The following NRG3 variants were observed in gnomAD, a reference collection of about 807,000 sequenced individuals.
NRG3 encodes neuregulin 3, also known as pro-neuregulin-3, membrane-bound isoform.
NRG3 carries 31 observed loss-of-function variants against 66.9 expected under a neutral mutation model. The observed-to-expected ratio is 0.46, with a 90% confidence interval of 0.35 to 0.63. The LOEUF (loss-of-function observed/expected upper bound fraction) is 0.63. Among genes scored for constraint, NRG3 ranks in the 20% least tolerant of loss-of-function variants. The pLI is 0.00. For missense variants in NRG3, 910 were observed against 878.9 expected (o/e 1.04, Z -0.45); for synonymous variants, 393 against 359.4 (o/e 1.09, Z -1.06).
chr10:81,982,003 AC>A (rs953518790), intron 1 of NRG3, among the ~76,000 whole-genome samples: 2 of 152,082 alleles, frequency 1.3e-5, no homozygotes, highest in African/African-American at 2.4e-5. Context: ...TCCAAAACAT[AC>A]CTTTTATTTT....
At chr10:82,703,354 T>G (rs2056043355) in intron 2 of NRG3, among the ~76,000 whole-genome samples, 1 of 152,124 alleles carries the variant, frequency 6.6e-6, no homozygotes, top group South Asian at 2.1e-4. Flanking sequence ...TAATTTTGTT[T>G]TATCTATTTA....
intron 4 of NRG3, among the ~76,000 whole-genome samples, chr10:82,945,684 ACT>A (rs1366020809): frequency 3.3e-5 from 5 of 151,986 alleles, no homozygotes; most frequent in Non-Finnish European, 7.4e-5. Context: ...TAACTAGTTT[ACT>A]CTCATGATAA....
In NRG3 at chr10:81,876,163, CG is replaced by C. The variant is rs1564625604; in HGVS notation, c.823+1del. 6.4e-7 allele frequency: 1 copy of C among 1,574,464 alleles called. No homozygotes were observed. The highest frequency in any genetic ancestry group is 1.9e-5 in the Admixed American group (1 of 53,470). On this transcript the variant is annotated splice_donor_variant, in intron 1 of 8. Transcript: ENST00000372141. LOFTEE classifies it high-confidence loss of function. Reference sequence around the variant, plus strand: ...AGAAACTAGCACCAGCCCCAAATTTCGTAAGTAAACACTGTGTCTCAACTAT... The same window carrying C: ...AGAAACTAGCACCAGCCCCAAATTTCTAAGTAAACACTGTGTCTCAACTAT...
intron 3 of NRG3, among the ~76,000 whole-genome samples, chr10:82,796,834 T>G (rs1237238528): frequency 6.6e-6 from 1 of 151,994 alleles, no homozygotes; most frequent in Non-Finnish European, 1.5e-5. Flanking sequence ...TAAATCTTGG[T>G]CAACTCTTAT....
intron 1 of NRG3, among the ~76,000 whole-genome samples, chr10:82,021,133 A>C (rs949684985): frequency 6.6e-6 from 1 of 152,002 alleles, no homozygotes; most frequent in African/African-American, 2.4e-5. Flanking sequence ...TGTGATCTCC[A>C]TGGTGAGATA....
intron 5 of NRG3, among the ~76,000 whole-genome samples, chr10:82,954,283 G>A (rs1327165745): frequency 6.6e-6 from 1 of 151,944 alleles, no homozygotes; most frequent in Non-Finnish European, 1.5e-5. Flanking sequence ...TTAAATGAAA[G>A]ACAGATCATG....
intron 2 of NRG3, among the ~76,000 whole-genome samples, chr10:82,669,374 A>T (rs2053070567): frequency 6.6e-6 from 1 of 151,938 alleles, no homozygotes; most frequent in Non-Finnish European, 1.5e-5. Context: ...GCAGTTTTCT[A>T]AAAGTAATCA....
intron 2 of NRG3, among the ~76,000 whole-genome samples, chr10:82,500,804 G>A (rs1353292766): frequency 6.6e-6 from 1 of 152,072 alleles, no homozygotes; most frequent in Non-Finnish European, 1.5e-5. Flanking sequence ...GAAAAATGAT[G>A]TTATGTATAA....
At chr10:82,233,111 T>A (rs1043955009) in intron 1 of NRG3, among the ~76,000 whole-genome samples, 11 of 152,316 alleles carry the variant, frequency 7.2e-5, no homozygotes, top group Admixed American at 6.5e-5. Context: ...ACGCCTGTAA[T>A]CCCAGCACTT....
chr10:82,490,686 GCTGT>G (rs753492662), intron 2 of NRG3, among the ~76,000 whole-genome samples: 1 of 151,854 alleles, frequency 6.6e-6, no homozygotes, highest in Non-Finnish European at 1.5e-5. Context: ...TCCCTATTTG[GCTGT>G]CTAACAGATA....
At chr10:82,349,520 TTGTC>T (rs1412096914) in intron 1 of NRG3, among the ~76,000 whole-genome samples, 1 of 151,910 alleles carries the variant, frequency 6.6e-6, no homozygotes, top group Non-Finnish European at 1.5e-5. Context: ...GTCTTTTTGT[TTGTC>T]TGTGCCCTGC....
In NRG3 at chr10:81,995,039, C is replaced by G. The variant is rs76389116; in HGVS notation, c.823+118876C>G. ...GGTCTCTCAGATATGTTTTTCGTAT[C>G]TCCCACTCACAACATTTTGTCTTGA... On this transcript the variant is annotated intron_variant, in intron 1 of 8. Coordinates refer to ENST00000372141, the MANE Select transcript of NRG3 (RefSeq NM_001010848.4). Among the ~76,000 whole-genome samples the G allele has an allele frequency of 6.2e-3, 938 of 152,094 alleles. 5 individuals are homozygous for G. The highest frequency in any genetic ancestry group is 0.021 in the African/African-American group (877 of 41,522).
At chr10:82,251,627 A>C (rs948208491) in intron 1 of NRG3, among the ~76,000 whole-genome samples, 1 of 152,222 alleles carries the variant, frequency 6.6e-6, no homozygotes, top group Non-Finnish European at 1.5e-5. Flanking sequence ...CCAGCAGATA[A>C]CACTTTGATT....
chr10:82,461,637 C>T (rs117885453), intron 2 of NRG3, among the ~76,000 whole-genome samples: 1,585 of 152,242 alleles, frequency 0.01, 11 homozygotes, highest in Non-Finnish European at 0.016. Context: ...TATTTATCTA[C>T]GCACCCCATT....
intron 3 of NRG3, among the ~76,000 whole-genome samples, chr10:82,762,311 C>T (rs1440185704): frequency 6.6e-6 from 1 of 152,050 alleles, no homozygotes; most frequent in East Asian, 1.9e-4. Flanking sequence ...TTCCAATTTC[C>T]ATTATGAATG....
intron 2 of NRG3, among the ~76,000 whole-genome samples, chr10:82,579,088 A>C (rs2046202964): frequency 6.6e-6 from 1 of 151,796 alleles, no homozygotes; most frequent in Non-Finnish European, 1.5e-5. Context: ...CTACTTTATG[A>C]GGTGTAATTT....
At chr10:82,268,165 G>T (rs2078402508) in intron 1 of NRG3, among the ~76,000 whole-genome samples, 1 of 152,152 alleles carries the variant, frequency 6.6e-6, no homozygotes, top group African/African-American at 2.4e-5. Context: ...CCCTCCTGGA[G>T]TGAGCCCTCA....
At chr10:81,946,291 A>G (rs1354774969) in intron 1 of NRG3, among the ~76,000 whole-genome samples, 2 of 152,178 alleles carry the variant, frequency 1.3e-5, no homozygotes, top group African/African-American at 4.8e-5. Flanking sequence ...TGCTGGGATT[A>G]CAGGCATACG....
chr10:82,033,318 A>AT (rs2062654510), intron 1 of NRG3, among the ~76,000 whole-genome samples: 2 of 152,102 alleles, frequency 1.3e-5, no homozygotes, highest in African/African-American at 4.8e-5. Flanking sequence ...TGAATAACAC[A>AT]TTTTTCCCCT....
Sources: allele counts gnomAD v4.1 joint callset (sites outside exome capture counted in the v4.1 genomes callset), GRCh38; gene constraint gnomAD v4.1.1; transcripts MANE v1.5; gene names NCBI Gene and HGNC (gene_info 2026-07-23, HGNC 2026-07-21).